The following NCKAP5 variants were observed in gnomAD, a reference collection of about 807,000 sequenced individuals.
The protein encoded by NCKAP5 is NCK associated protein 5.
NCKAP5 carries 92 observed loss-of-function variants against 167.0 expected under a neutral mutation model. The ratio of observed to expected loss-of-function variants is 0.55; its 90% CI spans 0.47 to 0.66. The LOEUF (loss-of-function observed/expected upper bound fraction) is 0.66. Among genes scored for constraint, NCKAP5 ranks in the 30% least tolerant of loss-of-function variants. NCKAP5 has a pLI of 0.00. For synonymous variants in NCKAP5, 891 were observed against 877.4 expected (o/e 1.02, Z -0.27); for missense variants, 2,378 against 2,315.0 (o/e 1.03, Z -0.56).
rs538739034 is a variant in NCKAP5 at position 133,432,404 on chromosome 2, T to C, written c.69+85054A>G. On this transcript the variant is annotated intron_variant, in intron 3 of 19. Coordinates refer to ENST00000409261, the MANE Select transcript of NCKAP5 (RefSeq NM_207363.3). ...TTAAAATATTGCATTTCCCGTCTCC[T>C]GGTAGCACGGATCACTGAAGTGCTT... Among the ~76,000 whole-genome samples the C allele has an allele frequency of 4.5e-4, 69 of 152,356 alleles. 2 individuals carry two copies. In the South Asian group the frequency reaches 0.014, roughly 30 times the overall value.
chr2:133,461,473 A>G (rs1692194681), intron 3 of NCKAP5, among the ~76,000 whole-genome samples: 1 of 152,192 alleles, frequency 6.6e-6, no homozygotes, highest in Admixed American at 6.5e-5. Context: ...CCTAAGGTTT[A>G]TATCTCTCTC....
intron 3 of NCKAP5, among the ~76,000 whole-genome samples, chr2:133,472,497 C>T (rs971332569): frequency 2.6e-5 from 4 of 151,872 alleles, no homozygotes; most frequent in African/African-American, 9.7e-5. Flanking sequence ...TTTAGGCTCC[C>T]CTCCACCACC....
chr2:133,592,534 T>A, the NCKAP5 span, among the ~76,000 whole-genome samples: 1 of 152,232 alleles, frequency 6.6e-6, no homozygotes, highest in South Asian at 2.1e-4. Flanking sequence ...TTGCCTGGAT[T>A]CTTACATCAC....
intron 7 of NCKAP5, among the ~76,000 whole-genome samples, chr2:132,985,760 C>T (rs1456925139): frequency 6.6e-6 from 1 of 152,188 alleles, no homozygotes; most frequent in Non-Finnish European, 1.5e-5. Context: ...TTACCACCAT[C>T]ACCCACTTCA....
At chr2:132,708,072 G>T (rs1349410036) in intron 19 of NCKAP5, among the ~76,000 whole-genome samples, 1 of 152,102 alleles carries the variant, frequency 6.6e-6, no homozygotes, top group Non-Finnish European at 1.5e-5. Context: ...GGCAGTACTT[G>T]CCATAGGCCT....
At chr2:133,455,805 A>T (rs1691819565) in intron 3 of NCKAP5, among the ~76,000 whole-genome samples, 2 of 152,158 alleles carry the variant, frequency 1.3e-5, no homozygotes. Flanking sequence ...TTATGTTTGA[A>T]ATCCTGACAA....
chr2:133,016,817 C>CT (rs1380428620), intron 6 of NCKAP5, among the ~76,000 whole-genome samples: 1 of 151,582 alleles, frequency 6.6e-6, no homozygotes, highest in Non-Finnish European at 1.5e-5. Flanking sequence ...GCTTTCCTCA[C>CT]TAAAAAAAAA....
chr2:133,182,990 C>T (rs2084799160), intron 5 of NCKAP5, among the ~76,000 whole-genome samples: 1 of 152,238 alleles, frequency 6.6e-6, no homozygotes, highest in South Asian at 2.1e-4. Flanking sequence ...ACACTGCATA[C>T]ATAAATTTGA....
At chr2:132,905,002 T>C (rs1693901246) in intron 8 of NCKAP5, among the ~76,000 whole-genome samples, 1 of 152,236 alleles carries the variant, frequency 6.6e-6, no homozygotes, top group Non-Finnish European at 1.5e-5. Flanking sequence ...TCCTTTGTGA[T>C]TTCCTTCATT....
Position 132,672,007 on chromosome 2 carries a change from C to T in NCKAP5, c.*1282G>A, listed in dbSNP as rs1413961188. 6.6e-6 allele frequency: 1 copy of T among 152,388 alleles called. No homozygotes were observed. Among genetic ancestry groups the T allele is most frequent in the Non-Finnish European group, 1.5e-5 (1 of 68,020 alleles). The allele number at this position is 152,388 out of a possible 1,614,324, so 9.4% of individuals were successfully genotyped here. The stretch of plus-strand genomic sequence containing the variant: ...GATCCTAAAAATATTTCTATTGGGC[C>T]TAGTTTACAAGCTCCTGTACATAAG... On this transcript the variant is annotated 3_prime_UTR_variant, in exon 20 of 20. Transcript: ENST00000409261.
intron 8 of NCKAP5, among the ~76,000 whole-genome samples, chr2:132,946,638 G>A (rs961416050): frequency 1.3e-5 from 2 of 152,098 alleles, no homozygotes; most frequent in East Asian, 1.9e-4. Context: ...GGCTCACACC[G>A]GTAATCCTAG....
intron 5 of NCKAP5, among the ~76,000 whole-genome samples, chr2:133,141,422 A>AAG (rs1559184222): frequency 6.6e-6 from 1 of 151,794 alleles, no homozygotes; most frequent in Non-Finnish European, 1.5e-5. Flanking sequence ...AAAAAAAAAA[A>AAG]CACAACTCTA....
the NCKAP5 span, among the ~76,000 whole-genome samples, chr2:133,623,632 TAA>T: frequency 1.6e-4 from 20 of 122,314 alleles, no homozygotes; most frequent in Admixed American, 4.1e-4. Context: ...ATGACCACAA[TAA>T]AAAAAAAAAA....
intron 5 of NCKAP5, among the ~76,000 whole-genome samples, chr2:133,207,483 A>G (rs553629793): frequency 1.1e-4 from 16 of 152,206 alleles, no homozygotes; most frequent in Non-Finnish European, 1.9e-4. Context: ...GTGGGCTGGT[A>G]CACAGCACCA....
intron 3 of NCKAP5, among the ~76,000 whole-genome samples, chr2:133,472,757 C>T (rs2151288312): frequency 6.6e-6 from 1 of 152,278 alleles, no homozygotes; most frequent in East Asian, 1.9e-4. Flanking sequence ...AGCAGATATT[C>T]TCAGATAATG....
At chr2:133,013,519 C>T (rs2149368910) in intron 6 of NCKAP5, among the ~76,000 whole-genome samples, 1 of 152,328 alleles carries the variant, frequency 6.6e-6, no homozygotes, top group East Asian at 1.9e-4. Flanking sequence ...ACCACCAGAT[C>T]TCATGAGACT....
intron 19 of NCKAP5, among the ~76,000 whole-genome samples, chr2:132,678,601 G>C: frequency 6.6e-6 from 1 of 152,148 alleles, no homozygotes; most frequent in East Asian, 1.9e-4. Context: ...TTTTTACTAT[G>C]AGTCAGGTAC....
chr2:133,209,450 T>TAAAC lies in NCKAP5; in HGVS notation c.207+4262_207+4265dup, dbSNP rs1217109173. 1.2e-3 allele frequency among the ~76,000 whole-genome samples: 172 copies of TAAAC among 148,714 alleles called. 3 individuals are homozygous for TAAAC. The highest frequency in any genetic ancestry group is 4.2e-3 in the African/African-American group (166 of 39,300). ...GAACAAAAAAGCAGACAAAATTGAC[T>TAAAC]AAACAAACAAACAAACAAAAAAACA... On this transcript the variant is annotated intron_variant, in intron 5 of 19. Transcript: ENST00000409261.
intron 18 of NCKAP5, 52 bp downstream of exon 18, chr2:132,728,763 TA>T (rs1186463061): frequency 2.5e-6 from 4 of 1,586,422 alleles, no homozygotes; most frequent in Non-Finnish European, 3.4e-6. Flanking sequence ...GTACACTTTT[TA>T]GAATCAGGAC....
Sources: gnomAD v4.1 joint callset for allele counts (sites outside exome capture counted in the v4.1 genomes callset) on GRCh38, gnomAD v4.1.1 for gene constraint, MANE v1.5 for transcripts, NCBI Gene and HGNC (gene_info 2026-07-23, HGNC 2026-07-21) for gene names.